The following IQCK variants were observed in gnomAD, a reference collection of about 807,000 sequenced individuals.
The protein encoded by IQCK is IQ domain-containing protein K.
In IQCK, 29 loss-of-function variants were observed where a neutral mutation model predicts 28.1. That is an observed-to-expected ratio of 1.03 (90% CI 0.77 to 1.41). The LOEUF is 1.41. Among genes scored for constraint, IQCK ranks in the 40% most tolerant of loss-of-function variants. IQCK has a pLI of 0.00. For missense variants in IQCK, 359 were observed against 314.7 expected (o/e 1.14, Z -1.07); for synonymous variants, 113 against 115.1 (o/e 0.98, Z 0.12).
At chr16:19,755,582 G>A (rs1488814923) in intron 4 of IQCK, among the ~76,000 whole-genome samples, 1 of 152,216 alleles carries the variant, frequency 6.6e-6, no homozygotes, top group African/African-American at 2.4e-5. Flanking sequence ...TGGCCAAGGA[G>A]CTGAGCTCCA....
At chr16:19,770,484 G>A (rs2055305547) in intron 6 of IQCK, among the ~76,000 whole-genome samples, 1 of 152,094 alleles carries the variant, frequency 6.6e-6, no homozygotes, top group African/African-American at 2.4e-5. Flanking sequence ...AGTTTCTAGG[G>A]GAAAATGTTT....
chr16:19,836,802 G>A (rs150638554), intron 9 of IQCK, among the ~76,000 whole-genome samples: 10 of 152,274 alleles, frequency 6.6e-5, no homozygotes, highest in Admixed American at 3.3e-4. Flanking sequence ...GTTAGCCACC[G>A]TGCCTGGCTG....
At chr16:19,777,422 C>T (rs953060576) in intron 6 of IQCK, among the ~76,000 whole-genome samples, 1 of 151,956 alleles carries the variant, frequency 6.6e-6, no homozygotes, top group Non-Finnish European at 1.5e-5. Flanking sequence ...TAAATGGTGG[C>T]ACAGCAGAAA....
At chr16:19,851,733 G>A (rs2056485512) in intron 9 of IQCK, among the ~76,000 whole-genome samples, 1 of 152,198 alleles carries the variant, frequency 6.6e-6, no homozygotes, top group Admixed American at 6.5e-5. Flanking sequence ...GACAAGGACA[G>A]CATAGGGGTG....
chr16:19,721,388 A>T (rs549906108), intron 1 of IQCK, among the ~76,000 whole-genome samples: 4 of 152,210 alleles, frequency 2.6e-5, no homozygotes, highest in African/African-American at 9.6e-5. Context: ...CACCACTATA[A>T]CTTATTTGTA....
chr16:19,731,616 T>C (rs1217781076), intron 2 of IQCK, among the ~76,000 whole-genome samples: 1 of 152,142 alleles, frequency 6.6e-6, no homozygotes, highest in African/African-American at 2.4e-5. Context: ...TGCTATGATC[T>C]TCTTGACCCG....
rs61573221 is a variant in IQCK at position 19,748,072 on chromosome 16, C to CTTTTT, written c.474+12638_474+12642dup. On this transcript the variant is annotated intron_variant, in intron 4 of 7. Transcript: ENST00000564186. ...GAGTTCAACCATCTGGGCTCAAATT[C>CTTTTT]TTTTTTTTTTTTTTTTTTTTGAGAC... is the stretch of plus-strand genomic sequence containing the variant. Among the ~76,000 whole-genome samples the CTTTTT allele has an allele frequency of 3.6e-4, 42 of 117,172 alleles. 2 individuals carry two copies. The highest frequency in any genetic ancestry group is 1.2e-3 in the African/African-American group (33 of 28,684). 76.9% of individuals were successfully genotyped at this position (117,172 alleles called of 152,430 possible).
intron 7 of IQCK, among the ~76,000 whole-genome samples, chr16:19,823,935 A>AAAAT (rs71375664): frequency 0.027 from 3,925 of 146,512 alleles, 70 homozygotes; most frequent in South Asian, 0.049. Flanking sequence ...TCCCTCTTAA[A>AAAAT]AAATAAATAA....
intron 9 of IQCK, among the ~76,000 whole-genome samples, chr16:19,849,476 C>CAGGG (rs1312258655): frequency 6.6e-6 from 1 of 150,920 alleles, no homozygotes; most frequent in East Asian, 1.9e-4. Flanking sequence ...TTTAGAAAGG[C>CAGGG]AGGGGCTGGG....
At chr16:19,729,745 C>G (rs993151532) in intron 1 of IQCK, among the ~76,000 whole-genome samples, 4 of 149,960 alleles carry the variant, frequency 2.7e-5, no homozygotes, top group Non-Finnish European at 5.9e-5. Context: ...CCCGGGTTCA[C>G]GCCATTCTCC....
intron 3 of IQCK, among the ~76,000 whole-genome samples, chr16:19,734,346 A>G (rs1977936682): frequency 6.6e-6 from 1 of 152,014 alleles, no homozygotes; most frequent in South Asian, 2.1e-4. Context: ...AAAATACAAA[A>G]ATTAGCTGGG....
At chr16:19,850,212 C>T (rs1214992813) in intron 9 of IQCK, among the ~76,000 whole-genome samples, 1 of 152,114 alleles carries the variant, frequency 6.6e-6, no homozygotes, top group Non-Finnish European at 1.5e-5. Flanking sequence ...TAATCACAGA[C>T]ATTTTTGCTG....
intron 6 of IQCK, among the ~76,000 whole-genome samples, chr16:19,778,908 A>G (rs1239763128): frequency 6.6e-6 from 1 of 152,184 alleles, no homozygotes; most frequent in African/African-American, 2.4e-5. Flanking sequence ...GTTAAGGATC[A>G]TAAGATGGGA....
chr16:19,816,576 G>A (rs993824621), intron 7 of IQCK, among the ~76,000 whole-genome samples: 5 of 152,158 alleles, frequency 3.3e-5, no homozygotes, highest in South Asian at 2.1e-4. Flanking sequence ...GAGCCACCGC[G>A]CCTGGCCAAC....
chr16:19,809,023 A>G (rs1259934710), intron 7 of IQCK, among the ~76,000 whole-genome samples: 1 of 152,144 alleles, frequency 6.6e-6, no homozygotes, highest in Non-Finnish European at 1.5e-5. Context: ...ACGGCCAGCT[A>G]ATTTTCTGTA....
At chr16:19,730,492 A>C in exon 2 of IQCK, 1 of 1,606,570 alleles carries the variant, frequency 6.2e-7, no homozygotes, top group Non-Finnish European at 8.5e-7. Context: ...GCCTGTGATT[A>C]CGGTGAGTAT....
intron 4 of IQCK, among the ~76,000 whole-genome samples, chr16:19,743,234 G>A (rs1428067429): frequency 6.6e-6 from 1 of 152,154 alleles, no homozygotes; most frequent in African/African-American, 2.4e-5. Context: ...AGCTACATGA[G>A]CACTCTGGAG....
intron 9 of IQCK, among the ~76,000 whole-genome samples, chr16:19,850,181 G>A (rs1490341924): frequency 2.0e-5 from 3 of 152,104 alleles, no homozygotes; most frequent in African/African-American, 7.2e-5. Flanking sequence ...CTTTGTCTGC[G>A]TAACATCATT....
chr16:19,738,557 C>T (rs1367421652), intron 4 of IQCK, among the ~76,000 whole-genome samples: 1 of 152,200 alleles, frequency 6.6e-6, no homozygotes, highest in Non-Finnish European at 1.5e-5. Context: ...CAGGACAAGT[C>T]ATTTCATCTT....
Sources: gnomAD v4.1 joint callset for allele counts (sites outside exome capture counted in the v4.1 genomes callset) on GRCh38, gnomAD v4.1.1 for gene constraint, MANE v1.5 for transcripts, NCBI Gene and HGNC (gene_info 2026-07-23, HGNC 2026-07-21) for gene names.